The following DLGAP3 variants were observed in gnomAD, a reference collection of about 807,000 sequenced individuals.
DLGAP3 encodes disks large-associated protein 3.
A neutral mutation model predicts 81.2 loss-of-function variants in DLGAP3; 17 were observed. That is an observed-to-expected ratio of 0.21 (90% confidence interval 0.14 to 0.31). The LOEUF (loss-of-function observed/expected upper bound fraction) is 0.31, where lower values mean the gene tolerates loss of function less well. DLGAP3 is among the 10% of genes least tolerant of loss of function. DLGAP3 has a pLI of 1.00. For missense variants in DLGAP3, 1,124 were observed against 1,388.0 expected, an observed-to-expected ratio of 0.81 and a Z score of 3.02; for synonymous variants, 577 against 587.4, an observed-to-expected ratio of 0.98 and a Z score of 0.26.
chr1:34,887,207 G>A (rs1342487733), intron 5 of DLGAP3, among the ~76,000 whole-genome samples: 3 of 151,772 alleles, frequency 2.0e-5, no homozygotes, highest in South Asian at 2.1e-4. Context: ...TGCCCGTCTC[G>A]GCCTCTCAAA....
chr1:34,902,830 C>A lies in DLGAP3; in HGVS notation c.1107+1447G>T, dbSNP rs11264172. ...CAGGGAGGTCAGGGCAGCCCTGAAG[C>A]AGCAGCAGGGAGCAGCGAAATGGCA... On this transcript the variant is annotated intron_variant, in intron 3 of 11. Coordinates refer to ENST00000373347, the MANE Select transcript of DLGAP3 (RefSeq NM_001080418.3). This position sits in a 1 kb window ranked among gnomAD's most constrained non-coding sequence, Gnocchi z 4.4. Among the ~76,000 whole-genome samples the A allele has an allele frequency of 0.4, 61,379 of 151,932 alleles. 12,468 individuals are homozygous for A. The highest frequency in any genetic ancestry group is 0.57 in the South Asian group (2,749 of 4,824).
intron 8 of DLGAP3, among the ~76,000 whole-genome samples, chr1:34,881,410 G>A (rs888873488): frequency 6.6e-6 from 1 of 152,182 alleles, no homozygotes; most frequent in African/African-American, 2.4e-5. Flanking sequence ...GATGAAACTG[G>A]TTGTGTGTAA....
rs149504598 is a variant in DLGAP3 at position 34,873,813 on chromosome 1, CTGGTTGGTTGGTTGGT to C, written c.2001-4740_2001-4725del. ...TCACTAAATAGGGCAGTTCATCACA[CTGGTTGGTTGGTTGGT>C]TGGTTGGTTGGTTGGTTGGTTGGAA... is the stretch of plus-strand genomic sequence containing the variant. On this transcript the variant is annotated intron_variant, in intron 8 of 11. Coordinates refer to ENST00000373347, the MANE Select transcript of DLGAP3 (RefSeq NM_001080418.3). This position sits in a 1 kb window ranked among gnomAD's most constrained non-coding sequence, Gnocchi z 4.2. Among the ~76,000 whole-genome samples the C allele has an allele frequency of 1.1e-4, 16 of 151,114 alleles. No homozygotes were observed. Among genetic ancestry groups the C allele is most frequent in the Non-Finnish European group, 1.9e-4 (13 of 67,814 alleles).
chr1:34,928,911 C>T (rs925909750), intron 1 of DLGAP3, among the ~76,000 whole-genome samples: 1 of 151,934 alleles, frequency 6.6e-6, no homozygotes, highest in African/African-American at 2.4e-5. Context: ...TCCACACTCA[C>T]GCTGCATACA....
intron 2 of DLGAP3, 104 bp from the exon 3 acceptor site, chr1:34,905,538 T>G (rs1639537609): frequency 2.5e-6 from 2 of 785,444 alleles, no homozygotes; most frequent in Middle Eastern, 3.7e-4. Flanking sequence ...ACATATCAAT[T>G]TATTATGATT....
At position 34,868,253 on chromosome 1, in the gene DLGAP3, C is replaced by A. The variant is rs1440661461; in HGVS notation, c.2485+352G>T. Among the ~76,000 whole-genome samples the A allele has an allele frequency of 6.6e-6, 1 of 152,162 alleles. No homozygotes were observed. Among genetic ancestry groups the A allele is most frequent in the Admixed American group, 6.5e-5 (1 of 15,272 alleles). On this transcript the variant is annotated intron_variant, in intron 9 of 11. Coordinates refer to ENST00000373347, the MANE Select transcript of DLGAP3 (RefSeq NM_001080418.3). The surrounding 1 kb of genome is among the most constrained non-coding windows in gnomAD (Gnocchi z 7.5). ...TCCCTCTCTGTAATCTTGGTCGCAC[C>A]ACCTGGATCCCCACACCAGTCCAGA... is the stretch of plus-strand genomic sequence containing the variant.
At chr1:34,915,585 C>T (rs1639704118) in intron 1 of DLGAP3, among the ~76,000 whole-genome samples, 1 of 152,200 alleles carries the variant, frequency 6.6e-6, no homozygotes, top group African/African-American at 2.4e-5. Context: ...GAGACAGGGG[C>T]TTCTAGCAAC....
At chr1:34,913,588 G>A (rs556240658) in intron 1 of DLGAP3, among the ~76,000 whole-genome samples, 6 of 152,286 alleles carry the variant, frequency 3.9e-5, no homozygotes, top group South Asian at 2.1e-4. Context: ...TGTCTATTGC[G>A]TGTTTATAGT....
chr1:34,899,568 C>A, intron 5 of DLGAP3, 101 bp downstream of exon 5: 1 of 1,064,734 alleles, frequency 9.4e-7, no homozygotes, highest in Non-Finnish European at 1.5e-6. Flanking sequence ...CAGGCCTGAG[C>A]TCTCTCCACA....
chr1:34,884,545 A>G (rs1204283002), intron 8 of DLGAP3, among the ~76,000 whole-genome samples: 1 of 150,622 alleles, frequency 6.6e-6, no homozygotes, highest in East Asian at 1.9e-4. Context: ...GAGGAGTGTT[A>G]TATCTGCCAG....
At chr1:34,880,122 G>A (rs1453013514) in intron 8 of DLGAP3, among the ~76,000 whole-genome samples, 2 of 152,042 alleles carry the variant, frequency 1.3e-5, no homozygotes, top group African/African-American at 2.4e-5. Context: ...GGTGTGATCA[G>A]AGATCACTGC....
At chr1:34,890,382 C>CT (rs1468458154) in intron 5 of DLGAP3, among the ~76,000 whole-genome samples, 1 of 152,176 alleles carries the variant, frequency 6.6e-6, no homozygotes, top group Non-Finnish European at 1.5e-5. Context: ...GAAATAGCTC[C>CT]TAATGATCTC....
Position 34,866,088 on chromosome 1 carries a change from G to A in DLGAP3, c.2935C>T (p.Leu979=). 6.3e-7 allele frequency: 1 copy of A among 1,598,144 alleles called. No individual in the cohort carries two copies. The change falls in exon 12 of 12, where the codon CTG becomes TTG. Residue 979 remains leucine, a synonymous_variant. Transcript: ENST00000373347. ...EIYIPEAQTR[L] ...GGCTGGGCGGGCCGGACCGGTCACA[G>A]CCTGGTCTGGGCCTCGGGGATGTAG...
At position 34,906,128 on chromosome 1, in the gene DLGAP3, A is replaced by C. The variant is rs549591084; in HGVS notation, c.-51-694T>G. Among the ~76,000 whole-genome samples the C allele has an allele frequency of 4.7e-5, 7 of 148,312 alleles. No individual in the cohort carries two copies. The East Asian group carries it at 1.4e-3, about 29-fold the overall frequency. On this transcript the variant is annotated intron_variant, in intron 2 of 11. Transcript: ENST00000373347. ...CATAGAAATATTTTTATATATACAT[A>C]TATATACACATTTATGTGTAAATAT...
rs749119428 is a variant in DLGAP3 at position 34,885,709 on chromosome 1, G to A, written c.1683C>T (p.Ser561=). The stretch of plus-strand genomic sequence containing the variant: ...TGAAGCTCTCGTGCGCGGAGTCGGT[G>A]CTGCTCTGGGCGGTGATGGAGATGC... The part of the protein sequence containing the change: ...PPRISITAQS[S]TDSAHESFTA... Residue 561 remains serine (S), a synonymous_variant, in exon 7 of 12, where the codon AGC becomes AGT. Transcript: ENST00000373347. The A allele has an allele frequency of 7.0e-7, 1 of 1,419,484 alleles. No homozygotes were observed. Among genetic ancestry groups the A allele is most frequent in the Non-Finnish European group, 9.1e-7 (1 of 1,095,702 alleles). 87.9% of individuals were successfully genotyped at this position (1,419,484 alleles called of 1,614,324 possible). A position where few individuals can be genotyped will look rare whatever the true frequency, so the allele number is the denominator to read the frequency against.
At position 34,904,810 on chromosome 1, in the gene DLGAP3, TC is replaced by T; in HGVS notation, c.573del (p.Lys192SerfsTer108). 6.2e-7 allele frequency: 1 copy of T among 1,610,352 alleles called. No individual in the cohort carries two copies. On this transcript the variant is annotated frameshift_variant, in exon 3 of 12. Coordinates refer to ENST00000373347, the MANE Select transcript of DLGAP3 (RefSeq NM_001080418.3). LOFTEE classifies it high-confidence loss of function. The surrounding 1 kb of genome is among the most constrained non-coding windows in gnomAD (Gnocchi z 8.1). Reference sequence around the variant, plus strand: ...GCCTTGGGCCCATTATAGTCCCGCTTCCCCGGCGCCTCCAGAGAGTGGGACT... The same window carrying T: ...GCCTTGGGCCCATTATAGTCCCGCTTCCCGGCGCCTCCAGAGAGTGGGACT... Reference protein sequence around the residue: ...FAKSHSLEAPGKRDYNGPKAE... With the variant: ...FAKSHSLEAPXKRDYNGPKAE...
At chr1:34,907,031 A>T (rs1170098725) in intron 2 of DLGAP3, among the ~76,000 whole-genome samples, 1 of 152,092 alleles carries the variant, frequency 6.6e-6, no homozygotes, top group Non-Finnish European at 1.5e-5. Flanking sequence ...CCAGACAGCA[A>T]CACCTCCAGG....
chr1:34,913,921 T>C (rs2148416974), intron 1 of DLGAP3, among the ~76,000 whole-genome samples: 1 of 152,264 alleles, frequency 6.6e-6, no homozygotes, highest in East Asian at 1.9e-4. Context: ...GATGGTTCTT[T>C]TCCAGTTGCA....
intron 1 of DLGAP3, among the ~76,000 whole-genome samples, chr1:34,914,100 C>T (rs1639681730): frequency 6.6e-6 from 1 of 152,156 alleles, no homozygotes; most frequent in African/African-American, 2.4e-5. Context: ...TACCACCCAG[C>T]CCCACATAGG....
Sources: gnomAD v4.1 joint callset for allele counts (sites outside exome capture counted in the v4.1 genomes callset) on GRCh38, gnomAD v4.1.1 for gene constraint, Gnocchi (gnomAD v3.1) non-coding constraint, MANE v1.5 for transcripts, NCBI Gene and HGNC (gene_info 2026-07-23, HGNC 2026-07-21) for gene names.